The following FHOD3 variants were observed in gnomAD, a reference collection of about 807,000 sequenced individuals.
FHOD3 encodes FH1/FH2 domain-containing protein 3.
Under a neutral mutation model 173.0 loss-of-function variants are expected in FHOD3, and 90 were observed. The ratio of observed to expected loss-of-function variants is 0.52; its 90% CI spans 0.44 to 0.62. The LOEUF is 0.62. Ranked by LOEUF, FHOD3 falls within the 20% of genes least tolerant of loss-of-function variation. The pLI, the probability that FHOD3 is intolerant of heterozygous loss-of-function variation, is 0.00. For missense variants in FHOD3, 1,945 were observed against 2,034.7 expected (o/e 0.96, Z 0.85); for synonymous variants, 828 against 823.0 (o/e 1.01, Z -0.10).
At position 36,746,920 on chromosome 18, in the gene FHOD3, G is replaced by A. The variant is rs769589815; in HGVS notation, c.4042-25G>A. On this transcript the variant is annotated intron_variant, in intron 23 of 28. Transcript: ENST00000590592. ...CTGGTGTCCGGCGGTTTCAGTGTTT[G>A]CAGTGTTCTCGCTCTGATTTTCAGG... The A allele has an allele frequency of 8.9e-6, 14 of 1,573,278 alleles. No individual in the cohort carries two copies. In the South Asian group the frequency reaches 1.4e-4, roughly 16 times the overall value.
chr18:36,320,785 T>C (rs899502245), intron 1 of FHOD3, among the ~76,000 whole-genome samples: 1 of 152,212 alleles, frequency 6.6e-6, no homozygotes, highest in African/African-American at 2.4e-5. Flanking sequence ...TTACCTGTAG[T>C]GTTTATTTTT....
intron 14 of FHOD3, among the ~76,000 whole-genome samples, chr18:36,677,416 T>C (rs1346844234): frequency 6.6e-6 from 1 of 152,170 alleles, no homozygotes; most frequent in Non-Finnish European, 1.5e-5. Context: ...CCCAAAGTGC[T>C]GGGATTACAG....
intron 3 of FHOD3, among the ~76,000 whole-genome samples, chr18:36,406,804 T>G (rs2049097309): frequency 6.6e-6 from 1 of 152,160 alleles, no homozygotes; most frequent in Non-Finnish European, 1.5e-5. Context: ...GAGCCCATAT[T>G]AGTGGCAGGC....
intron 10 of FHOD3, among the ~76,000 whole-genome samples, chr18:36,628,711 G>A (rs1040556632): frequency 2.1e-4 from 32 of 152,270 alleles, no homozygotes; most frequent in Non-Finnish European, 4.0e-4. Context: ...ATTGGAAGGG[G>A]AAAAAATCTT....
chr18:36,298,004 C>A lies in FHOD3; in HGVS notation c.165+4C>A, dbSNP rs1377154955. The A allele has an allele frequency of 4.6e-6, 7 of 1,535,182 alleles. No individual in the cohort carries two copies. Among genetic ancestry groups the A allele is most frequent in the Non-Finnish European group, 6.1e-6 (7 of 1,142,450 alleles). ...GCTGCTGCAGGCGCCGCACAAGGTACGACCCGGCGGGGTGGGCTGGGCCCC... is the reference window on the plus strand; with the variant it reads ...GCTGCTGCAGGCGCCGCACAAGGTAAGACCCGGCGGGGTGGGCTGGGCCCC... On this transcript the variant is annotated splice_donor_region_variant and intron_variant, in intron 1 of 28. Coordinates refer to ENST00000590592, the MANE Select transcript of FHOD3 (RefSeq NM_001281740.3).
intron 17 of FHOD3, among the ~76,000 whole-genome samples, chr18:36,701,567 G>A (rs2039590752): frequency 1.3e-5 from 2 of 152,132 alleles, no homozygotes; most frequent in South Asian, 4.1e-4. Context: ...CATATTAAGT[G>A]CATGTCCCTG....
chr18:36,474,005 C>T (rs1474629266), intron 3 of FHOD3, among the ~76,000 whole-genome samples: 1 of 152,248 alleles, frequency 6.6e-6, no homozygotes, highest in Admixed American at 6.5e-5. Flanking sequence ...AGGATATGCT[C>T]ATATGGCAGT....
intron 10 of FHOD3, among the ~76,000 whole-genome samples, chr18:36,631,013 A>G (rs1278248912): frequency 1.3e-5 from 2 of 152,188 alleles, no homozygotes; most frequent in Non-Finnish European, 2.9e-5. Flanking sequence ...AGCAGAGAGA[A>G]GATGTGGCCT....
rs144787960 is a variant in FHOD3 at position 36,550,601 on chromosome 18, T to C, written c.512-25850T>C. ...ATGACATGATATATCTCTATTTAGG[T>C]CACTAATTTCTCTCAGCAATGTTTT... On this transcript the variant is annotated intron_variant, in intron 5 of 28. Transcript: ENST00000590592. Among the ~76,000 whole-genome samples, 211 of 152,232 alleles carry C rather than the reference T, an allele frequency of 1.4e-3. 1 individual carries two copies. Among genetic ancestry groups the C allele is most frequent in the African/African-American group, 4.7e-3 (197 of 41,562 alleles).
At chr18:36,366,261 G>A (rs1037610149) in intron 2 of FHOD3, among the ~76,000 whole-genome samples, 1 of 152,288 alleles carries the variant, frequency 6.6e-6, no homozygotes, top group South Asian at 2.1e-4. Flanking sequence ...GTATGATGAG[G>A]AGAGAGGTGG....
intron 5 of FHOD3, among the ~76,000 whole-genome samples, chr18:36,531,472 G>C (rs908754357): frequency 6.6e-6 from 1 of 152,066 alleles, no homozygotes; most frequent in Non-Finnish European, 1.5e-5. Context: ...ACCCTTCCCC[G>C]ATCCTGAGCT....
chr18:36,551,860 CTG>C (rs544029605), intron 5 of FHOD3, among the ~76,000 whole-genome samples: 1,629 of 152,284 alleles, frequency 0.011, 20 homozygotes, highest in African/African-American at 0.037. Context: ...ATCTATGTCT[CTG>C]TTTTGGTACC....
At chr18:36,459,657 G>A (rs544720039) in intron 3 of FHOD3, among the ~76,000 whole-genome samples, 2 of 152,128 alleles carry the variant, frequency 1.3e-5, no homozygotes, top group Non-Finnish European at 2.9e-5. Context: ...TAAAAGCAGA[G>A]CATTTTGATT....
chr18:36,747,900 TCCTC>T (rs2042222180), intron 24 of FHOD3, among the ~76,000 whole-genome samples: 1 of 152,170 alleles, frequency 6.6e-6, no homozygotes, highest in East Asian at 1.9e-4. Context: ...CATTCTTCCT[TCCTC>T]CCTCCCTCCC....
intron 1 of FHOD3, among the ~76,000 whole-genome samples, chr18:36,351,570 A>G (rs8082816): frequency 0.055 from 8,426 of 152,282 alleles, 773 homozygotes; most frequent in African/African-American, 0.19. Flanking sequence ...TGTGCCTGAC[A>G]TATAATTTTG....
chr18:36,318,716 C>T (rs1248900673), intron 1 of FHOD3, among the ~76,000 whole-genome samples: 1 of 152,164 alleles, frequency 6.6e-6, no homozygotes, highest in Non-Finnish European at 1.5e-5. Context: ...TCCTTTCTTT[C>T]TTTCTCTTGC....
At chr18:36,385,679 G>A (rs1470403763) in intron 3 of FHOD3, among the ~76,000 whole-genome samples, 2 of 152,246 alleles carry the variant, frequency 1.3e-5, no homozygotes, top group Non-Finnish European at 2.9e-5. Context: ...GGGATTACAG[G>A]CGTGAGCCAC....
chr18:36,604,571 T>C (rs1466523499), intron 8 of FHOD3, among the ~76,000 whole-genome samples: 3 of 151,762 alleles, frequency 2.0e-5, no homozygotes, highest in Non-Finnish European at 2.9e-5. Context: ...TAAATGGAAG[T>C]AAACAAAAAC....
At chr18:36,424,637 C>T (rs117824926) in intron 3 of FHOD3, among the ~76,000 whole-genome samples, 1 of 152,286 alleles carries the variant, frequency 6.6e-6, no homozygotes, top group East Asian at 1.9e-4. Context: ...TAACTATATT[C>T]TGTTGTAAAT....
Sources: allele counts gnomAD v4.1 joint callset (sites outside exome capture counted in the v4.1 genomes callset), GRCh38; gene constraint gnomAD v4.1.1; transcripts MANE v1.5; gene names NCBI Gene and HGNC (gene_info 2026-07-23, HGNC 2026-07-21).